The following AGFG1 variants were observed in gnomAD, a reference collection of about 807,000 sequenced individuals.
The protein encoded by AGFG1 is ArfGAP with FG repeats 1, also known as arf-GAP domain and FG repeat-containing protein 1.
AGFG1 carries 10 observed loss-of-function variants against 60.6 expected under a neutral mutation model. The observed-to-expected ratio is 0.16, with a 90% CI of 0.10 to 0.28. AGFG1 has a LOEUF of 0.28. Ranked by LOEUF, AGFG1 falls within the 10% of genes least tolerant of loss-of-function variation. The pLI is 1.00. For missense variants in AGFG1, 537 were observed against 676.5 expected, an observed-to-expected ratio of 0.79 and a Z score of 2.29; for synonymous variants, 247 against 242.9, an observed-to-expected ratio of 1.02 and a Z score of -0.16.
In AGFG1 at chr2:227,472,331, C is replaced by T. The variant is rs1453930173; in HGVS notation, c.-91C>T. Reference sequence around the variant, plus strand: ...GCGCGCGCAGACGGAGGGCGGCGGCCGCGGCCAGGGCGGCCCGTGGGACCG... The same window carrying T: ...GCGCGCGCAGACGGAGGGCGGCGGCTGCGGCCAGGGCGGCCCGTGGGACCG... On this transcript the variant is annotated 5_prime_UTR_variant, in exon 1 of 13. Coordinates refer to ENST00000310078, the MANE Select transcript of AGFG1 (RefSeq NM_004504.5). 2.3e-6 allele frequency: 2 copies of T among 859,524 alleles called. No homozygotes were observed. Among genetic ancestry groups the T allele is most frequent in the Admixed American group, 1.3e-4 (2 of 15,754 alleles). 53.2% of individuals were successfully genotyped at this position (859,524 alleles called of 1,614,324 possible). A position where few individuals can be genotyped will look rare whatever the true frequency, so the allele number is the denominator to read the frequency against.
intron 6 of AGFG1, among the ~76,000 whole-genome samples, chr2:227,533,261 T>C (rs570934403): frequency 2.0e-4 from 28 of 142,150 alleles, no homozygotes; most frequent in African/African-American, 7.1e-4. Context: ...AGTAACTGAA[T>C]CTCAAACCAG....
chr2:227,553,577 A>T (rs140031127), intron 11 of AGFG1, 127 bp from the exon 12 acceptor site: 5 of 724,586 alleles, frequency 6.9e-6, no homozygotes, highest in Non-Finnish European at 1.2e-5. Context: ...AGGCCTAACA[A>T]CTTAACTTTA....
rs1292357151 is a variant in AGFG1 at position 227,560,379 on chromosome 2, A to C, written c.*5884A>C. ...TTTGAGGCTCACCAGCTGTGTAGGT[A>C]TGATCTTGTGCTTCCATTTAAGAAA... On this transcript the variant is annotated 3_prime_UTR_variant, in exon 13 of 13. Coordinates refer to ENST00000310078, the MANE Select transcript of AGFG1 (RefSeq NM_004504.5). 4 of 152,088 alleles carry C rather than the reference A, an allele frequency of 2.6e-5. No homozygotes were observed. Among genetic ancestry groups the C allele is most frequent in the Admixed American group, 2.6e-4 (4 of 15,258 alleles). 9.4% of individuals were successfully genotyped at this position (152,088 alleles called of 1,614,324 possible).
intron 2 of AGFG1, chr2:227,510,819 T>C (rs1691476476): frequency 6.6e-6 from 1 of 152,254 alleles, no homozygotes; most frequent in Non-Finnish European, 1.5e-5. Flanking sequence ...ATGGTAGATG[T>C]CTGAATTAGA....
chr2:227,550,851 G>C (rs1050090149), intron 10 of AGFG1, among the ~76,000 whole-genome samples: 1 of 152,072 alleles, frequency 6.6e-6, no homozygotes, highest in Non-Finnish European at 1.5e-5. Flanking sequence ...AGGAAATTTA[G>C]TGAATTTTCA....
intron 10 of AGFG1, among the ~76,000 whole-genome samples, chr2:227,537,268 C>A (rs1692341898): frequency 6.6e-6 from 1 of 152,090 alleles, no homozygotes; most frequent in Non-Finnish European, 1.5e-5. Flanking sequence ...AGATGAGACT[C>A]CACAGAACGT....
At chr2:227,476,474 G>A (rs1402164993) in intron 1 of AGFG1, among the ~76,000 whole-genome samples, 1 of 152,014 alleles carries the variant, frequency 6.6e-6, no homozygotes, top group Non-Finnish European at 1.5e-5. Context: ...TTTCAGTGAG[G>A]GTTTAGATAA....
chr2:227,486,116 TAA>T (rs147367946), intron 1 of AGFG1, among the ~76,000 whole-genome samples: 6,610 of 152,298 alleles, frequency 0.043, 262 homozygotes, highest in African/African-American at 0.097. Context: ...AGGTTTAACT[TAA>T]GAGAGATATC....
intron 1 of AGFG1, among the ~76,000 whole-genome samples, chr2:227,482,021 T>A (rs529065955): frequency 2.2e-4 from 33 of 151,972 alleles, no homozygotes; most frequent in African/African-American, 7.7e-4. Flanking sequence ...GCCCGCCACC[T>A]TGCCCCGCTA....
At chr2:227,517,702 C>G (rs1691696255) in intron 2 of AGFG1, among the ~76,000 whole-genome samples, 1 of 152,222 alleles carries the variant, frequency 6.6e-6, no homozygotes, top group Non-Finnish European at 1.5e-5. Flanking sequence ...TACGCTTTTC[C>G]TTCCCTGATT....
chr2:227,544,386 C>A (rs1379626713), intron 10 of AGFG1, among the ~76,000 whole-genome samples: 1 of 151,988 alleles, frequency 6.6e-6, no homozygotes, highest in African/African-American at 2.4e-5. Flanking sequence ...GATCTCCTGA[C>A]CTCGTCATCT....
intron 2 of AGFG1, among the ~76,000 whole-genome samples, chr2:227,501,500 A>G (rs1302576468): frequency 6.6e-6 from 1 of 152,214 alleles, no homozygotes; most frequent in Non-Finnish European, 1.5e-5. Flanking sequence ...CATTGCTTCC[A>G]ATTTGGTAAT....
chr2:227,487,705 T>C (rs1240503390), intron 1 of AGFG1, among the ~76,000 whole-genome samples: 2 of 151,366 alleles, frequency 1.3e-5, no homozygotes, highest in Non-Finnish European at 2.9e-5. Flanking sequence ...CAATCAGTGT[T>C]TGAGACTACT....
intron 1 of AGFG1, 127 bp from the exon 2 acceptor site, chr2:227,491,420 T>C (rs971146985): frequency 1.6e-5 from 9 of 551,172 alleles, no homozygotes; most frequent in African/African-American, 8.0e-5. Context: ...AAAAATACTT[T>C]GAGTTTATGG....
At chr2:227,523,971 C>T in intron 4 of AGFG1, 46 bp downstream of exon 4, 1 of 1,531,190 alleles carries the variant, frequency 6.5e-7, no homozygotes, top group South Asian at 1.2e-5. Flanking sequence ...TTAAAGAGGG[C>T]TTGAGTATCA....
In AGFG1 at chr2:227,491,592, A is replaced by G. The variant is rs773960527; in HGVS notation, c.213A>G (p.Thr71=). 15 of 1,567,786 alleles carry G rather than the reference A, an allele frequency of 9.6e-6. No individual in the cohort carries two copies. Among genetic ancestry groups the G allele is most frequent in the Non-Finnish European group, 1.3e-5 (15 of 1,159,522 alleles). Residue 71 remains threonine (T), a synonymous_variant, in exon 2 of 13, where the codon ACA becomes ACG. Coordinates refer to ENST00000310078, the MANE Select transcript of AGFG1 (RefSeq NM_004504.5). The part of the protein sequence containing the change: ...PPHRVKSISM[T]TFTQQEIEFL... The stretch of plus-strand genomic sequence containing the variant: ...ACAGGGTGAAATCTATCTCCATGAC[A>G]ACATTCACACAACAGGAAATTGAAT...
At chr2:227,545,407 C>T (rs1692614577) in intron 10 of AGFG1, among the ~76,000 whole-genome samples, 1 of 152,202 alleles carries the variant, frequency 6.6e-6, no homozygotes, top group Non-Finnish European at 1.5e-5. Flanking sequence ...GTTTGAACAT[C>T]CTCCTTTAGC....
intron 10 of AGFG1, among the ~76,000 whole-genome samples, chr2:227,546,737 CT>C: frequency 6.6e-6 from 1 of 152,278 alleles, no homozygotes; most frequent in Middle Eastern, 3.4e-3. Flanking sequence ...TTTTTCCCCC[CT>C]CAGAGCCCTT....
chr2:227,475,307 A>G (rs1690248941), intron 1 of AGFG1, among the ~76,000 whole-genome samples: 1 of 152,190 alleles, frequency 6.6e-6, no homozygotes. Context: ...GAAGTTCTGC[A>G]TTTCCCTCTG....
Sources: gnomAD v4.1 joint callset for allele counts (sites outside exome capture counted in the v4.1 genomes callset) on GRCh38, gnomAD v4.1.1 for gene constraint, MANE v1.5 for transcripts, NCBI Gene and HGNC (gene_info 2026-07-23, HGNC 2026-07-21) for gene names.